FOXP2: variants seen among roughly 807,000 people sequenced by gnomAD.
FOXP2 encodes the protein forkhead box protein P2.
FOXP2 carries 12 observed loss-of-function variants against 115.8 expected under a neutral mutation model. The observed-to-expected ratio is 0.10, with a 90% confidence interval of 0.07 to 0.17. The LOEUF is 0.17. Among genes scored for constraint, FOXP2 ranks in the 10% least tolerant of loss-of-function variants. The pLI is 1.00. For missense variants in FOXP2, 629 were observed against 843.5 expected (o/e 0.75, Z 3.15); for synonymous variants, 328 against 297.7 (o/e 1.10, Z -1.05).
intron 1 of FOXP2, among the ~76,000 whole-genome samples, chr7:114,149,612 T>A (rs914528127): frequency 5.9e-5 from 9 of 151,972 alleles, no homozygotes; most frequent in East Asian, 1.9e-4. Flanking sequence ...ATTTTTTTTT[T>A]ATCTAGCAAA....
At chr7:114,086,574 C>T, upstream of FOXP2, 1 of 412,130 alleles carries the variant, frequency 2.4e-6, no homozygotes, top group Non-Finnish European at 4.8e-6. Flanking sequence ...CCGCGGGTGC[C>T]ACCTCCCGGG....
chr7:114,466,104 C>A (rs1795787321), intron 2 of FOXP2, among the ~76,000 whole-genome samples: 1 of 152,150 alleles, frequency 6.6e-6, no homozygotes, highest in Non-Finnish European at 1.5e-5. Context: ...TCTCAGCTTA[C>A]TTTCTTTTTG....
chr7:114,292,277 C>T (rs971497685), intron 2 of FOXP2, among the ~76,000 whole-genome samples: 5 of 151,660 alleles, frequency 3.3e-5, no homozygotes, highest in African/African-American at 4.8e-5. Flanking sequence ...GTTACTTTAA[C>T]GTTTTATAAT....
At chr7:114,656,651 C>T (rs550974108) in intron 10 of FOXP2, 61 of 229,684 alleles carry the variant, frequency 2.7e-4, no homozygotes, top group Non-Finnish European at 5.1e-4. Flanking sequence ...AACAGAATAA[C>T]AGTTTGTGGT....
intron 2 of FOXP2, among the ~76,000 whole-genome samples, chr7:114,292,714 A>G (rs1183865895): frequency 2.0e-5 from 3 of 152,166 alleles, no homozygotes; most frequent in Non-Finnish European, 4.4e-5. Context: ...TATCATAGTC[A>G]ATCGGATGTT....
At chr7:114,558,011 C>T (rs1032707417) in intron 3 of FOXP2, among the ~76,000 whole-genome samples, 2 of 151,826 alleles carry the variant, frequency 1.3e-5, no homozygotes, top group African/African-American at 4.8e-5. Context: ...GTTTCACCAT[C>T]TTGGCCAGGC....
At chr7:114,626,557 C>G (rs373102312) in intron 3 of FOXP2, among the ~76,000 whole-genome samples, 126 of 117,292 alleles carry the variant, frequency 1.1e-3, no homozygotes, top group African/African-American at 1.9e-3. Context: ...CTCTCTGTCT[C>G]TCTCTCTATA....
intron 6 of FOXP2, among the ~76,000 whole-genome samples, chr7:114,641,969 C>T (rs1805558659): frequency 6.6e-6 from 1 of 151,880 alleles, no homozygotes; most frequent in Non-Finnish European, 1.5e-5. Context: ...TCACACCCAG[C>T]TCATTTTTGT....
chr7:114,448,563 C>T (rs926943151), intron 2 of FOXP2, among the ~76,000 whole-genome samples: 39 of 152,164 alleles, frequency 2.6e-4, no homozygotes, highest in Admixed American at 6.5e-5. Context: ...TTGTCCTTTC[C>T]TGCTACACCC....
chr7:114,639,797 A>G (rs1490756387), intron 6 of FOXP2, among the ~76,000 whole-genome samples: 1 of 152,220 alleles, frequency 6.6e-6, no homozygotes, highest in East Asian at 1.9e-4. Context: ...GAGACAGGCA[A>G]GAGCCAGATA....
chr7:114,158,059 T>C (rs370279804), upstream of FOXP2, among the ~76,000 whole-genome samples: 26 of 152,190 alleles, frequency 1.7e-4, no homozygotes, highest in African/African-American at 6.0e-4. Context: ...AATCAGAATA[T>C]TCAAGTGAAG....
chr7:114,377,489 G>A (rs1792170596), intron 2 of FOXP2, among the ~76,000 whole-genome samples: 1 of 152,214 alleles, frequency 6.6e-6, no homozygotes, highest in Admixed American at 6.5e-5. Flanking sequence ...ATAGGACCAT[G>A]TTCATAACAT....
At chr7:114,164,730 TTTC>T (rs1307065061) in intron 1 of FOXP2, among the ~76,000 whole-genome samples, 1 of 152,230 alleles carries the variant, frequency 6.6e-6, no homozygotes, top group Non-Finnish European at 1.5e-5. Context: ...TGAAACAGCT[TTTC>T]TTCTTATTGA....
chr7:114,409,354 A>G (rs1793111112), upstream of FOXP2, among the ~76,000 whole-genome samples: 1 of 152,178 alleles, frequency 6.6e-6, no homozygotes, highest in Non-Finnish European at 1.5e-5. Context: ...GATGGAGTGT[A>G]TACAATGCTA....
intron 1 of FOXP2, among the ~76,000 whole-genome samples, chr7:114,271,942 A>G (rs1329537387): frequency 7.6e-6 from 1 of 131,484 alleles, no homozygotes; most frequent in Non-Finnish European, 1.6e-5. Context: ...ATATTAATAT[A>G]TTGTATTTAT....
intron 1 of FOXP2, among the ~76,000 whole-genome samples, chr7:114,132,053 C>T (rs990599653): frequency 5.9e-5 from 9 of 151,972 alleles, no homozygotes; most frequent in East Asian, 3.9e-4. Context: ...AGCAAAAAAA[C>T]GCTTTGTTAA....
At chr7:114,570,674 A>G in intron 3 of FOXP2, 3 of 709,332 alleles carry the variant, frequency 4.2e-6, no homozygotes, top group South Asian at 3.1e-5. Flanking sequence ...CAATGATGGA[A>G]TATTCTTCCC....
intron 2 of FOXP2, among the ~76,000 whole-genome samples, chr7:114,450,267 A>G (rs541313131): frequency 7.2e-5 from 11 of 152,062 alleles, no homozygotes; most frequent in Non-Finnish European, 1.3e-4. Context: ...TACTCAGGGA[A>G]GGTATAAGAT....
At chr7:114,231,847 A>G (rs1794882846) in intron 1 of FOXP2, among the ~76,000 whole-genome samples, 1 of 152,236 alleles carries the variant, frequency 6.6e-6, no homozygotes, top group South Asian at 2.1e-4. Context: ...CACTGGCAAC[A>G]AAAGCACACA....
Sources: allele counts gnomAD v4.1 joint callset (sites outside exome capture counted in the v4.1 genomes callset), GRCh38; gene constraint gnomAD v4.1.1; transcripts MANE v1.5; gene names NCBI Gene and HGNC (gene_info 2026-07-23, HGNC 2026-07-21).